The following FGF13 variants were observed in gnomAD, a reference collection of about 807,000 sequenced individuals.
The protein encoded by FGF13 is fibroblast growth factor homologous factor 2.
Under a neutral mutation model 19.5 loss-of-function variants are expected in FGF13, and 2 were observed. The observed-to-expected ratio is 0.10, with a 90% CI of 0.04 to 0.32. FGF13 has a LOEUF of 0.32. Among genes scored for constraint, FGF13 ranks in the 10% least tolerant of loss-of-function variants. The pLI, the probability that FGF13 is intolerant of heterozygous loss-of-function variation, is 1.00. For synonymous variants in FGF13, 72 were observed against 76.9 expected (o/e 0.94, Z 0.33); for missense variants, 113 against 192.7 (o/e 0.59, Z 2.45).
intron 1 of FGF13, among the ~76,000 whole-genome samples, chrX:139,171,977 TG>T (rs986882727): frequency 1.8e-5 from 2 of 112,030 alleles, no homozygotes; most frequent in Admixed American, 9.5e-5. Flanking sequence ...TCGATGTGAC[TG>T]GTTCTTTCTT....
intron 1 of FGF13, among the ~76,000 whole-genome samples, chrX:138,922,909 T>C (rs765483106): frequency 1.4e-4 from 16 of 111,898 alleles, no homozygotes; most frequent in Non-Finnish European, 1.3e-4. Context: ...TAAATCCACA[T>C]CAAACAGTCC....
At chrX:138,895,085 C>T (rs1002395232) in intron 1 of FGF13, among the ~76,000 whole-genome samples, 3 of 111,902 alleles carry the variant, frequency 2.7e-5, no homozygotes, top group Non-Finnish European at 5.6e-5. Flanking sequence ...CCTGATTTGG[C>T]TCTGTAAATA....
At chrX:139,176,896 G>A (rs778251948) in intron 1 of FGF13, among the ~76,000 whole-genome samples, 1 of 111,718 alleles carries the variant, frequency 9.0e-6, no homozygotes, top group Non-Finnish European at 1.9e-5. Flanking sequence ...GTTCATTTGG[G>A]GTGGAGAGTT....
chrX:138,799,581 T>G (rs1369450245), intron 3 of FGF13, among the ~76,000 whole-genome samples: 3 of 111,452 alleles, frequency 2.7e-5, no homozygotes, highest in Non-Finnish European at 5.6e-5. Flanking sequence ...TAGGTCAGCT[T>G]GGTCCAGAGC....
At position 139,092,008 on chromosome X, in the gene FGF13, A is replaced by G. The variant is rs150761830; in HGVS notation, c.-113+111408T>C. Among the ~76,000 whole-genome samples the G allele has an allele frequency of 6.2e-3, 687 of 111,103 alleles. 5 individuals are homozygous for G. Among genetic ancestry groups the G allele is most frequent in the African/African-American group, 0.021 (652 of 30,562 alleles). ...AAATGCTGGAAAGAGAAGAGGCCAG[A>G]GAAGGAAGGCATGGGAAGCTGAAGA... On this transcript the variant is annotated intron_variant, in intron 1 of 2. Coordinates refer to the FGF13 transcript ENST00000421460.
At chrX:139,177,886 G>A (rs1462703637) in intron 1 of FGF13, among the ~76,000 whole-genome samples, 2 of 112,242 alleles carry the variant, frequency 1.8e-5, no homozygotes, top group Non-Finnish European at 3.8e-5. Flanking sequence ...CCTGGTCTGC[G>A]GGTTGCAAAG....
intron 3 of FGF13, among the ~76,000 whole-genome samples, chrX:138,833,856 T>G (rs1264705750): frequency 8.9e-6 from 1 of 111,983 alleles, no homozygotes; most frequent in Non-Finnish European, 1.9e-5. Context: ...TACTGAGAGT[T>G]TTTAACATAA....
intron 1 of FGF13, among the ~76,000 whole-genome samples, chrX:138,906,832 G>A (rs2091561202): frequency 9.0e-6 from 1 of 111,232 alleles, no homozygotes; most frequent in Admixed American, 9.6e-5. Context: ...AGTTGCCCAG[G>A]GATGTGCGAT....
In FGF13 at chrX:138,984,527, G is replaced by GAAGAAC. The variant is rs1556321753; in HGVS notation, c.-112-119878_-112-119877insGTTCTT. On this transcript the variant is annotated intron_variant, in intron 1 of 2. Coordinates refer to the FGF13 transcript ENST00000421460. ...AGAAGAAGAGGAAGAAGAAGAGGAA[G>GAAGAAC]AAGAAGAAGAAGAAGAAGAAGAAGA... Among the ~76,000 whole-genome samples, 34 of 17,483 alleles carry GAAGAAC rather than the reference G, an allele frequency of 1.9e-3. 1 individual carries two copies. Among genetic ancestry groups the GAAGAAC allele is most frequent in the African/African-American group, 6.3e-3 (32 of 5,048 alleles). The allele number at this position is 17,483 out of a possible 115,157, so 15.2% of individuals were successfully genotyped here.
chrX:139,132,815 A>G (rs1177739026), intron 1 of FGF13, among the ~76,000 whole-genome samples: 1 of 112,426 alleles, frequency 8.9e-6, no homozygotes, highest in African/African-American at 3.2e-5. Flanking sequence ...TTCTAACCAA[A>G]TGTAGTAATT....
chrX:138,892,002 A>ATGTGTGTGTGTG (rs3077315), intron 1 of FGF13, among the ~76,000 whole-genome samples: 4 of 90,384 alleles, frequency 4.4e-5, no homozygotes, highest in African/African-American at 1.7e-4. Context: ...ATATATACAT[A>ATGTGTGTGTGTG]TGTGTGTGTG....
At chrX:138,681,469 A>G (rs1267114701) in intron 3 of FGF13, among the ~76,000 whole-genome samples, 3 of 112,842 alleles carry the variant, frequency 2.7e-5, no homozygotes, top group Non-Finnish European at 5.6e-5. Context: ...GGCTGGTTCT[A>G]TCTTCTATCC....
intron 1 of FGF13, among the ~76,000 whole-genome samples, chrX:139,093,213 A>G (rs2083449582): frequency 8.9e-6 from 1 of 112,170 alleles, no homozygotes; most frequent in African/African-American, 3.2e-5. Context: ...TTTCTGCAAC[A>G]CACCAGGTGG....
chrX:138,914,409 T>A (rs1025425340), intron 1 of FGF13, among the ~76,000 whole-genome samples: 14 of 111,369 alleles, frequency 1.3e-4, no homozygotes, highest in Admixed American at 3.8e-4. Flanking sequence ...AGCCTGCTCT[T>A]TCTGAAACCA....
intron 3 of FGF13, among the ~76,000 whole-genome samples, chrX:138,755,441 A>G (rs966480816): frequency 3.6e-5 from 4 of 112,576 alleles, no homozygotes; most frequent in Non-Finnish European, 7.5e-5. Context: ...TGTGGAATAC[A>G]TGTCTAAACT....
intron 1 of FGF13, among the ~76,000 whole-genome samples, chrX:138,996,738 C>T (rs563045600): frequency 1.8e-5 from 2 of 112,143 alleles, no homozygotes; most frequent in East Asian, 2.8e-4. Flanking sequence ...GGGAAGGGGC[C>T]GCTGTGGGCG....
chrX:139,091,195 T>G (rs1221325422), intron 1 of FGF13, among the ~76,000 whole-genome samples: 1 of 110,669 alleles, frequency 9.0e-6, no homozygotes, highest in Admixed American at 9.7e-5. Context: ...TGGGTCAGAA[T>G]CCTAGAACTA....
At chrX:138,694,246 C>G (rs1483613690) in intron 3 of FGF13, among the ~76,000 whole-genome samples, 1 of 110,966 alleles carries the variant, frequency 9.0e-6, no homozygotes. Flanking sequence ...TAACATGAAC[C>G]AACCCCCTAC....
chrX:139,149,017 A>G (rs931335235), intron 1 of FGF13, among the ~76,000 whole-genome samples: 1 of 111,659 alleles, frequency 9.0e-6, no homozygotes, highest in African/African-American at 3.3e-5. Flanking sequence ...TCAAAACATC[A>G]TTACTTCTCA....
Sources: allele counts gnomAD v4.1 joint callset (sites outside exome capture counted in the v4.1 genomes callset), GRCh38; gene constraint gnomAD v4.1.1; transcripts MANE v1.5; gene names NCBI Gene and HGNC (gene_info 2026-07-23, HGNC 2026-07-21).